The following CNTN5 variants were observed in gnomAD, a reference collection of about 807,000 sequenced individuals.
CNTN5 encodes contactin-5.
Under a neutral mutation model 129.1 loss-of-function variants are expected in CNTN5, and 77 were observed. That is an observed-to-expected ratio of 0.60 (90% confidence interval 0.50 to 0.72). CNTN5 has a LOEUF of 0.72. Ranked by LOEUF, CNTN5 falls within the 30% of genes least tolerant of loss-of-function variation. The pLI is 0.00. For synonymous variants in CNTN5, 509 were observed against 465.6 expected, an observed-to-expected ratio of 1.09 and a Z score of -1.20; for missense variants, 1,478 against 1,328.8, an observed-to-expected ratio of 1.11 and a Z score of -1.75.
chr11:99,038,492 T>G (rs1187499359), intron 1 of CNTN5, among the ~76,000 whole-genome samples: 5 of 152,248 alleles, frequency 3.3e-5, no homozygotes, highest in African/African-American at 1.2e-4. Context: ...ACTGTAGTCA[T>G]CAGTGGTGTA....
At chr11:99,052,980 CT>C (rs148297097) in intron 1 of CNTN5, among the ~76,000 whole-genome samples, 4,998 of 151,894 alleles carry the variant, frequency 0.033, 129 homozygotes, top group Middle Eastern at 0.054. Flanking sequence ...ACAGTGAAAT[CT>C]CAGCTCCAGA....
At chr11:99,575,943 C>A (rs1175933580) in intron 3 of CNTN5, among the ~76,000 whole-genome samples, 1 of 152,126 alleles carries the variant, frequency 6.6e-6, no homozygotes, top group Admixed American at 6.5e-5. Flanking sequence ...AGGGGCAACC[C>A]ACTAGAGAAT....
chr11:99,814,545 A>C (rs549610228), intron 3 of CNTN5, among the ~76,000 whole-genome samples: 8 of 151,922 alleles, frequency 5.3e-5, no homozygotes, highest in Non-Finnish European at 1.2e-4. Context: ...CGACAGTTGG[A>C]CTTAAATTAG....
chr11:99,721,816 T>G (rs1394559712), intron 3 of CNTN5, among the ~76,000 whole-genome samples: 1 of 152,122 alleles, frequency 6.6e-6, no homozygotes, highest in Non-Finnish European at 1.5e-5. Flanking sequence ...ATTTAAAAAG[T>G]GGGCAAACAA....
chr11:100,036,906 G>A lies in CNTN5; in HGVS notation c.981-24306G>A, dbSNP rs886849905. Reference sequence around the variant, plus strand: ...GGTTTTCTGGATGTGCATTCATGTCGTCTGCAAACAGGGACAATTTGACTT... The same window carrying A: ...GGTTTTCTGGATGTGCATTCATGTCATCTGCAAACAGGGACAATTTGACTT... On this transcript the variant is annotated intron_variant, in intron 9 of 24. Coordinates refer to ENST00000524871, the MANE Select transcript of CNTN5 (RefSeq NM_014361.4). 1.1e-3 allele frequency among the ~76,000 whole-genome samples: 164 copies of A among 147,002 alleles called. 1 individual carries two copies. The highest frequency in any genetic ancestry group is 3.9e-3 in the African/African-American group (152 of 38,828).
At chr11:99,297,884 G>C (rs1166757429) in intron 1 of CNTN5, among the ~76,000 whole-genome samples, 1 of 152,162 alleles carries the variant, frequency 6.6e-6, no homozygotes, top group East Asian at 1.9e-4. Context: ...AGATGTAAGA[G>C]GTCTCTAACT....
chr11:99,579,142 G>C (rs1949476794), intron 3 of CNTN5, among the ~76,000 whole-genome samples: 1 of 152,104 alleles, frequency 6.6e-6, no homozygotes, highest in Non-Finnish European at 1.5e-5. Context: ...GATAGTTGTA[G>C]ATATGCGGCA....
chr11:100,008,105 T>C (rs376203034), intron 9 of CNTN5, among the ~76,000 whole-genome samples: 25 of 152,204 alleles, frequency 1.6e-4, no homozygotes, highest in African/African-American at 5.8e-4. Context: ...GCATAGTTCA[T>C]GGAGCTTCAA....
chr11:99,752,579 T>G (rs1944270382), intron 3 of CNTN5, among the ~76,000 whole-genome samples: 1 of 152,198 alleles, frequency 6.6e-6, no homozygotes, highest in Admixed American at 6.5e-5. Flanking sequence ...ATATAGGTTC[T>G]TGACTTACTA....
At chr11:99,884,889 A>C (rs1429811756) in intron 6 of CNTN5, among the ~76,000 whole-genome samples, 1 of 152,160 alleles carries the variant, frequency 6.6e-6, no homozygotes, top group East Asian at 1.9e-4. Flanking sequence ...AGGCAGAAGA[A>C]TTGCTTGAAC....
At chr11:99,786,350 T>C (rs796454521) in intron 3 of CNTN5, among the ~76,000 whole-genome samples, 3 of 151,460 alleles carry the variant, frequency 2.0e-5, no homozygotes, top group East Asian at 2.0e-4. Context: ...TCAAGGAAAT[T>C]GGAGGACACA....
chr11:99,982,776 G>A (rs1938428760), intron 8 of CNTN5, among the ~76,000 whole-genome samples: 1 of 152,112 alleles, frequency 6.6e-6, no homozygotes, highest in Non-Finnish European at 1.5e-5. Flanking sequence ...GAGTAGGTGG[G>A]ACTATAGGTG....
At chr11:99,702,691 C>CAT (rs1380010586) in intron 3 of CNTN5, among the ~76,000 whole-genome samples, 5 of 150,898 alleles carry the variant, frequency 3.3e-5, no homozygotes, top group Non-Finnish European at 1.5e-5. Flanking sequence ...AGGATACTTA[C>CAT]ATATATGAAA....
In CNTN5 at chr11:99,836,037, C is replaced by T. The variant is rs146194487; in HGVS notation, c.278-8815C>T. Among the ~76,000 whole-genome samples, 1,368 of 150,640 alleles carry T rather than the reference C, an allele frequency of 9.1e-3. 12 individuals carry two copies. The highest frequency in any genetic ancestry group is 0.016 in the Non-Finnish European group (1,103 of 67,804). ...AATAAAAGAATGGCTACTCCATAGACAGTCCAAAGGGCTGCTGGTTACCCA... is the reference window on the plus strand; with the variant it reads ...AATAAAAGAATGGCTACTCCATAGATAGTCCAAAGGGCTGCTGGTTACCCA... On this transcript the variant is annotated intron_variant, in intron 4 of 24. Coordinates refer to ENST00000524871, the MANE Select transcript of CNTN5 (RefSeq NM_014361.4).
chr11:100,243,689 A>C (rs952942398), intron 16 of CNTN5, among the ~76,000 whole-genome samples: 1 of 152,162 alleles, frequency 6.6e-6, no homozygotes, highest in African/African-American at 2.4e-5. Flanking sequence ...GAATCAAATG[A>C]AACAGCACTG....
intron 2 of CNTN5, among the ~76,000 whole-genome samples, chr11:99,545,914 A>G (rs1948276250): frequency 6.6e-6 from 1 of 152,182 alleles, no homozygotes; most frequent in South Asian, 2.1e-4. Context: ...CGTCCCACTC[A>G]TTATTAGAAG....
chr11:100,322,708 C>CT (rs909213841), intron 21 of CNTN5, among the ~76,000 whole-genome samples: 1 of 151,922 alleles, frequency 6.6e-6, no homozygotes, highest in Non-Finnish European at 1.5e-5. Flanking sequence ...GTATATTCCA[C>CT]TTTTTTTTAA....
At chr11:100,114,025 G>A (rs1327052988) in intron 13 of CNTN5, among the ~76,000 whole-genome samples, 2 of 151,932 alleles carry the variant, frequency 1.3e-5, no homozygotes, top group Non-Finnish European at 2.9e-5. Flanking sequence ...GTCTTGATTT[G>A]TTTGGAACTG....
At position 100,094,774 on chromosome 11, in the gene CNTN5, AAGGAAGG is replaced by A. The variant is rs774659040; in HGVS notation, c.1580+20482_1580+20488del. ...GAGGGAGGGAGGGAGGAAAGGAAGG[AAGGAAGG>A]AAGGAAGGAAGGAAGGAAGGAAGGA... On this transcript the variant is annotated intron_variant, in intron 13 of 24. Transcript: ENST00000524871. 4.9e-3 allele frequency among the ~76,000 whole-genome samples: 572 copies of A among 115,938 alleles called. 1 individual carries two copies. The highest frequency in any genetic ancestry group is 0.021 in the South Asian group (84 of 4,012). 76.1% of individuals were successfully genotyped at this position (115,938 alleles called of 152,430 possible).
Sources: allele counts gnomAD v4.1 joint callset (sites outside exome capture counted in the v4.1 genomes callset), GRCh38; gene constraint gnomAD v4.1.1; transcripts MANE v1.5; gene names NCBI Gene and HGNC (gene_info 2026-07-23, HGNC 2026-07-21).